TRPV3: variants seen among roughly 807,000 people sequenced by gnomAD.
TRPV3 encodes the protein VRL-3.
In TRPV3, 88 loss-of-function variants were observed where a neutral mutation model predicts 87.1. That is an observed-to-expected ratio of 1.01 (90% CI 0.85 to 1.21). The LOEUF is 1.21. Among genes scored for constraint, TRPV3 ranks in the 50% most tolerant of loss-of-function variants. The probability of loss-of-function intolerance (pLI) is 0.00; values close to 1 mark genes in which losing one functional copy is unlikely to be tolerated. For synonymous variants in TRPV3, 438 were observed against 423.3 expected, an observed-to-expected ratio of 1.03 and a Z score of -0.43; for missense variants, 1,054 against 1,030.1, an observed-to-expected ratio of 1.02 and a Z score of -0.32.
At position 3,526,872 on chromosome 17, in the gene TRPV3, G is replaced by A. The variant is rs2074304645; in HGVS notation, c.1559C>T (p.Ala520Val). 6.2e-7 allele frequency: 1 copy of A among 1,611,578 alleles called. No homozygotes were observed. The highest frequency in any genetic ancestry group is 1.3e-5 in the African/African-American group (1 of 74,900). The change falls in exon 12 of 18, where the codon GCC becomes GTC. Residue 520 changes from alanine to valine, a missense_variant. By Grantham distance (64) the Ala-to-Val change is moderately conservative. Coordinates refer to ENST00000576742, the MANE Select transcript of TRPV3 (RefSeq NM_145068.4). ...PSDLQSILSDAWFHFVFFIQA... is the reference protein window; with the variant it reads ...PSDLQSILSDVWFHFVFFIQA... ...TACTTACAAGACAAAGTGGAACCAG[G>A]CATCCGAGAGGATGGACTGCAGATC...
chr17:3,533,355 T>C (rs963582699), intron 7 of TRPV3, among the ~76,000 whole-genome samples: 1 of 152,178 alleles, frequency 6.6e-6, no homozygotes, highest in African/African-American at 2.4e-5. Context: ...TGCCTGTAGA[T>C]AGCCCAGTCA....
At chr17:3,520,424 C>G (rs1208092386) in intron 14 of TRPV3, among the ~76,000 whole-genome samples, 1 of 152,162 alleles carries the variant, frequency 6.6e-6, no homozygotes, top group African/African-American at 2.4e-5. Flanking sequence ...CAAAGACCAT[C>G]AGTTGAGTTT....
rs1195368484 is a variant in TRPV3, at chr17:3,542,455, GGCCCT to G, written c.643+62_643+66del. 36 of 1,547,014 alleles carry G rather than the reference GGCCCT, an allele frequency of 2.3e-5. No individual in the cohort carries two copies. The African/African-American group carries it at 4.6e-4, about 20-fold the overall frequency. On this transcript the variant is annotated intron_variant, in intron 6 of 17. Transcript: ENST00000576742. ...GCCTCCACGTGGCCTGGCCAGCAGT[GGCCCT>G]GTGGCCCCATACCCCACCCTCAGAG...
At chr17:3,542,938 A>C (rs74251317) in intron 5 of TRPV3, among the ~76,000 whole-genome samples, 2 of 151,306 alleles carry the variant, frequency 1.3e-5, no homozygotes, top group African/African-American at 4.9e-5. Flanking sequence ...CTCTTTGCCC[A>C]CTGTATGGCT....
chr17:3,555,763 G>A (rs2074623349), intron 1 of TRPV3, among the ~76,000 whole-genome samples: 1 of 152,202 alleles, frequency 6.6e-6, no homozygotes, highest in Admixed American at 6.5e-5. Flanking sequence ...GGGAGGGTCA[G>A]GAGTGGCAGG....
At chr17:3,543,974 A>G (rs983305853) in intron 4 of TRPV3, among the ~76,000 whole-genome samples, 2 of 151,926 alleles carry the variant, frequency 1.3e-5, no homozygotes, top group Non-Finnish European at 2.9e-5. Flanking sequence ...CAGATAAGCA[A>G]CCATGGTAAC....
chr17:3,532,493 G>T (rs1290291905), intron 8 of TRPV3, among the ~76,000 whole-genome samples, 164 bp downstream of exon 8: 2 of 152,246 alleles, frequency 1.3e-5, no homozygotes, highest in Non-Finnish European at 2.9e-5. Context: ...GAACAAACCT[G>T]CCTCCGGCCG....
Position 3,528,103 on chromosome 17 carries a change from C to G in TRPV3, c.1425G>C (p.Leu475=). ...EEEAIPHPLA[L]THKMGWLQLL... The stretch of plus-strand genomic sequence containing the variant: ...GCTGCAGCCACCCCATCTTGTGCGT[C>G]AGGGCCAAGGGGTGCGGGATGGCCT... Residue 475 remains leucine, a synonymous_variant, in exon 11 of 18, where the codon CTG becomes CTC. Coordinates refer to ENST00000576742, the MANE Select transcript of TRPV3 (RefSeq NM_145068.4). This position sits in a 1 kb window ranked among gnomAD's most constrained non-coding sequence, Gnocchi z 4.2. 2 of 1,613,502 alleles carry G rather than the reference C, an allele frequency of 1.2e-6. No individual in the cohort carries two copies. Among genetic ancestry groups the G allele is most frequent in the Non-Finnish European group, 1.7e-6 (2 of 1,179,864 alleles).
chr17:3,546,215 G>A (rs2074524192), intron 2 of TRPV3, among the ~76,000 whole-genome samples: 1 of 152,110 alleles, frequency 6.6e-6, no homozygotes, highest in Non-Finnish European at 1.5e-5. Flanking sequence ...GCCTAGGCGG[G>A]CGGATCATCT....
intron 2 of TRPV3, among the ~76,000 whole-genome samples, chr17:3,548,545 C>T (rs554316823): frequency 6.6e-6 from 1 of 152,346 alleles, no homozygotes; most frequent in African/African-American, 2.4e-5. Context: ...AGACCCCGGG[C>T]TTTCCCAAGG....
intron 13 of TRPV3, 56 bp from the exon 14 acceptor site, chr17:3,521,095 C>T (rs2074241220): frequency 9.3e-7 from 1 of 1,076,722 alleles, no homozygotes; most frequent in Non-Finnish European, 1.4e-6. Context: ...TTCACGGCAC[C>T]CTGATCTTCC....
At position 3,518,932 on chromosome 17, in the gene TRPV3, C is replaced by T. The variant is rs1486347636; in HGVS notation, c.1811-82G>A. 2 of 1,438,750 alleles carry T rather than the reference C, an allele frequency of 1.4e-6. No homozygotes were observed. The highest frequency in any genetic ancestry group is 1.9e-6 in the Non-Finnish European group (2 of 1,066,004). 89.1% of individuals were successfully genotyped at this position (1,438,750 alleles called of 1,614,324 possible). Reference sequence around the variant, plus strand: ...AGCTTGCGTGTATTTGCCTACATGACAAGCCTGCTGCCTCCTTCTCTCTGG... The same window carrying T: ...AGCTTGCGTGTATTTGCCTACATGATAAGCCTGCTGCCTCCTTCTCTCTGG... On this transcript the variant is annotated intron_variant, in intron 14 of 17. Coordinates refer to ENST00000576742, the MANE Select transcript of TRPV3 (RefSeq NM_145068.4). This position sits in a 1 kb window ranked among gnomAD's most constrained non-coding sequence, Gnocchi z 4.3.
intron 15 of TRPV3, among the ~76,000 whole-genome samples, chr17:3,517,874 C>A (rs62071322): frequency 0.58 from 86,066 of 147,456 alleles, 25,925 homozygotes; most frequent in East Asian, 0.95. Context: ...GCTGCAGTGC[C>A]ATGACACAAT....
rs1433035147 is a variant in TRPV3, at chr17:3,535,555, G to A, written c.784+18C>T. 9.5e-6 allele frequency: 15 copies of A among 1,571,736 alleles called. No individual in the cohort carries two copies. The highest frequency in any genetic ancestry group is 1.4e-5 in the African/African-American group (1 of 72,396). On this transcript the variant is annotated intron_variant, in intron 7 of 17. Transcript: ENST00000576742. ...CTCCCTCCTCCCAGACTCCGCACCG[G>A]GCGGGGGCGGCACCCACCGAAGTAG...
In TRPV3 at chr17:3,557,180, T is replaced by C. The variant is rs144562451; in HGVS notation, c.-3+496A>G. The stretch of plus-strand genomic sequence containing the variant: ...GGCCCTCCCTCTCTCTCCCAATCCC[T>C]GACACTGATTGAAATGGCCTTTCCC... On this transcript the variant is annotated intron_variant, in intron 1 of 17. Transcript: ENST00000576742. The surrounding 1 kb of genome is among the most constrained non-coding windows in gnomAD (Gnocchi z 4.5). 4.3e-4 allele frequency among the ~76,000 whole-genome samples: 66 copies of C among 152,224 alleles called. No homozygotes were observed. The East Asian group carries it at 0.012, about 28-fold the overall frequency.
chr17:3,532,713 G>A lies in TRPV3; in HGVS notation c.1009C>T (p.Arg337Cys), dbSNP rs115100600. The A allele has an allele frequency of 6.8e-6, 11 of 1,614,104 alleles. No homozygotes were observed. The highest frequency in any genetic ancestry group is 4.5e-5 in the East Asian group (2 of 44,888). ...AGCGGCGTGAGGCCATCGTTGTTGC[G>A]AGTGGTCTCCAGCTCCCAGTTGCCA... ...RSGNWELETT[R>C]NNDGLTPLQL... Residue 337 changes from arginine to cysteine, a missense_variant, in exon 8 of 18, where the codon CGC becomes TGC. Physicochemically the swap from Arg to Cys is radical, Grantham distance 180. Coordinates refer to ENST00000576742, the MANE Select transcript of TRPV3 (RefSeq NM_145068.4).
chr17:3,539,511 G>A (rs1434522550), intron 6 of TRPV3: 1 of 152,092 alleles, frequency 6.6e-6, no homozygotes, highest in African/African-American at 2.4e-5. Context: ...AATTAGCTGG[G>A]CGGGGTGGCA....
At chr17:3,549,902 T>C (rs2074558147) in intron 2 of TRPV3, among the ~76,000 whole-genome samples, 1 of 148,428 alleles carries the variant, frequency 6.7e-6, no homozygotes. Context: ...GAGGATGGGA[T>C]GGGTAGATGA....
At chr17:3,527,024 G>A (rs2074306410) in intron 11 of TRPV3, 97 bp from the exon 12 acceptor site, 2 of 962,816 alleles carry the variant, frequency 2.1e-6, no homozygotes, top group Admixed American at 2.1e-5. Context: ...ACTCAGTGAG[G>A]GTTGAATGCA....
Sources: gnomAD v4.1 joint callset for allele counts (sites outside exome capture counted in the v4.1 genomes callset) on GRCh38, gnomAD v4.1.1 for gene constraint, Gnocchi (gnomAD v3.1) non-coding constraint, MANE v1.5 for transcripts, NCBI Gene and HGNC (gene_info 2026-07-23, HGNC 2026-07-21) for gene names.